The following ATG9A variants were observed in gnomAD, a reference collection of about 807,000 sequenced individuals.
ATG9A encodes autophagy-related protein 9A.
A neutral mutation model predicts 87.1 loss-of-function variants in ATG9A; 21 were observed. The observed-to-expected ratio is 0.24, with a 90% CI of 0.17 to 0.35. The LOEUF is 0.35. Ranked by LOEUF, ATG9A falls within the 10% of genes least tolerant of loss-of-function variation. ATG9A has a pLI of 1.00. For synonymous variants in ATG9A, 422 were observed against 441.3 expected (o/e 0.96, Z 0.55); for missense variants, 836 against 1,107.3 (o/e 0.76, Z 3.48).
At chr2:219,228,112 C>CA in intron 2 of ATG9A, 59 bp from the exon 3 acceptor site, 15 of 1,224,726 alleles carry the variant, frequency 1.2e-5, no homozygotes, top group Non-Finnish European at 1.7e-5. Context: ...CCATGGGCTG[C>CA]CCTGCCTACT....
At position 219,224,630 on chromosome 2, in the gene ATG9A, G is replaced by A. The variant is rs1950825376; in HGVS notation, c.741C>T (p.Leu247=). Residue 247 remains leucine, a synonymous_variant, in exon 8 of 16, where the codon CTC becomes CTT. Coordinates refer to ENST00000361242, the MANE Select transcript of ATG9A (RefSeq NM_001077198.3). This position sits in a 1 kb window ranked among gnomAD's most constrained non-coding sequence, Gnocchi z 7.7. ...LGEAVFFTRG[L]KYNFELILFW... ...AGAGGATCAGCTCAAAGTTGTACTTGAGACCACGGGTGAAGAAGACAGCTT... is the reference window on the plus strand; with the variant it reads ...AGAGGATCAGCTCAAAGTTGTACTTAAGACCACGGGTGAAGAAGACAGCTT... 4 of 1,614,224 alleles carry A rather than the reference G, an allele frequency of 2.5e-6. No homozygotes were observed. The highest frequency in any genetic ancestry group is 3.4e-6 in the Non-Finnish European group (4 of 1,180,048).
At position 219,220,382 on chromosome 2, in the gene ATG9A, G is replaced by A; in HGVS notation, c.*65C>T. The A allele has an allele frequency of 6.3e-7, 1 of 1,590,508 alleles. No homozygotes were observed. The highest frequency in any genetic ancestry group is 8.6e-7 in the Non-Finnish European group (1 of 1,160,364). On this transcript the variant is annotated 3_prime_UTR_variant, in exon 16 of 16. Coordinates refer to ENST00000361242, the MANE Select transcript of ATG9A (RefSeq NM_001077198.3). ...ACTCAGAGGAGCCGTCCCATGGCAGGCAGACGGGATGGCAGGGCAGCGGTG... is the reference window on the plus strand; with the variant it reads ...ACTCAGAGGAGCCGTCCCATGGCAGACAGACGGGATGGCAGGGCAGCGGTG...
chr2:219,225,022 C>T, intron 7 of ATG9A, 49 bp downstream of exon 7: 1 of 1,609,412 alleles, frequency 6.2e-7, no homozygotes, highest in Non-Finnish European at 8.5e-7. Flanking sequence ...ACCCACACCT[C>T]CCAATACGTC....
At chr2:219,227,139 G>C (rs141446560) in intron 4 of ATG9A, among the ~76,000 whole-genome samples, 241 of 152,358 alleles carry the variant, frequency 1.6e-3, no homozygotes, top group Non-Finnish European at 2.8e-3. Flanking sequence ...TTAGGTCTAA[G>C]ATAATGCATG....
intron 4 of ATG9A, among the ~76,000 whole-genome samples, chr2:219,227,320 C>G (rs1037291325): frequency 2.0e-5 from 3 of 152,156 alleles, no homozygotes; most frequent in African/African-American, 7.2e-5. Flanking sequence ...GAGTTCGAGA[C>G]CAGCCTTGCC....
intron 5 of ATG9A, 114 bp downstream of exon 5, chr2:219,226,755 G>T: frequency 1.0e-6 from 1 of 957,372 alleles, no homozygotes; most frequent in Middle Eastern, 2.4e-4. Context: ...AAGGTTTACG[G>T]AGTTTTAGCC....
Position 219,222,392 on chromosome 2 carries a change from G to C in ATG9A, c.1907C>G (p.Pro636Arg). Residue 636 changes from proline (P) to arginine (R), a missense_variant, in exon 12 of 16, where the codon CCC becomes CGC. Pro to Arg is a moderately radical substitution (Grantham distance 103, BLOSUM62 -2). Around this residue, in one of 2 missense-constraint regions of ATG9A, gnomAD observed 324 missense variants for 347.6 expected, o/e 0.93. Coordinates refer to ENST00000361242, the MANE Select transcript of ATG9A (RefSeq NM_001077198.3). This position sits in a 1 kb window ranked among gnomAD's most constrained non-coding sequence, Gnocchi z 4.3. ...AGSSCRGPPL[P>R]RDLQGSRHRA... ...GTGCCTGGAGCCCTGCAGGTCTCTG[G>C]GCAGTGGAGGGCCCCGGCAGGATGA... The C allele has an allele frequency of 1.3e-6, 2 of 1,599,184 alleles. No individual in the cohort carries two copies. Among genetic ancestry groups the C allele is most frequent in the Non-Finnish European group, 1.7e-6 (2 of 1,173,046 alleles).
At chr2:219,225,238 G>C in intron 6 of ATG9A, 26 bp from the exon 7 acceptor site, 5 of 1,613,720 alleles carry the variant, frequency 3.1e-6, no homozygotes, top group East Asian at 2.2e-5. Context: ...AAGGGGAGGA[G>C]AGGTGGCCCT....
chr2:219,222,735 C>G lies in ATG9A; in HGVS notation c.1758G>C (p.Arg586=), dbSNP rs1215233215. 1.2e-6 allele frequency: 2 copies of G among 1,614,098 alleles called. No homozygotes were observed. The highest frequency in any genetic ancestry group is 2.7e-5 in the African/African-American group (2 of 74,948). Residue 586 remains arginine (R), a synonymous_variant, in exon 11 of 16, where the codon CGG becomes CGC. Transcript: ENST00000361242. The surrounding 1 kb of genome is among the most constrained non-coding windows in gnomAD (Gnocchi z 4.3). ...FLGFLKEQVQ[R]DGAAASLAQG... ...GGGCGAGGCTAGCAGCTGCTCCATC[C>G]CGCTGAACCTGCTCCTTGAGGAAGC...
In ATG9A at chr2:219,228,420, G is replaced by A; in HGVS notation, c.-30+14C>T. Reference sequence around the variant, plus strand: ...CTTCACAAACAAATGTTTGAGAAAAGCACATGGCCCTACCAGCTCCATGGA... The same window carrying A: ...CTTCACAAACAAATGTTTGAGAAAAACACATGGCCCTACCAGCTCCATGGA... On this transcript the variant is annotated intron_variant, in intron 2 of 15. Coordinates refer to ENST00000361242, the MANE Select transcript of ATG9A (RefSeq NM_001077198.3). The A allele has an allele frequency of 5.3e-6, 1 of 187,654 alleles. No homozygotes were observed. Among genetic ancestry groups the A allele is most frequent in the South Asian group, 1.1e-4 (1 of 9,252 alleles). 11.6% of individuals were successfully genotyped at this position (187,654 alleles called of 1,614,324 possible). A position where few individuals can be genotyped will look rare whatever the true frequency, so the allele number is the denominator to read the frequency against.
intron 4 of ATG9A, among the ~76,000 whole-genome samples, 180 bp downstream of exon 4, chr2:219,227,589 TC>T (rs1950888150): frequency 6.6e-6 from 1 of 152,046 alleles, no homozygotes; most frequent in African/African-American, 2.4e-5. Flanking sequence ...GGCACACAGA[TC>T]TTGGTAAATG....
chr2:219,222,721 G>A lies in ATG9A; in HGVS notation c.1772C>T (p.Ala591Val). Residue 591 changes from alanine to valine, a missense_variant, in exon 11 of 16, where the codon GCT becomes GTT. Ala to Val is a moderately conservative substitution (Grantham distance 64). This residue lies in a region of ATG9A where 324 missense variants were observed against 347.6 expected (regional missense o/e 0.93). Transcript: ENST00000361242. This position sits in a 1 kb window ranked among gnomAD's most constrained non-coding sequence, Gnocchi z 4.3. ...KEQVQRDGAA[A>V]SLAQGGLLPE... The stretch of plus-strand genomic sequence containing the variant: ...GAGCAGACCCCCTTGGGCGAGGCTA[G>A]CAGCTGCTCCATCCCGCTGAACCTG... The A allele has an allele frequency of 6.2e-7, 1 of 1,614,224 alleles. No individual in the cohort carries two copies. The highest frequency in any genetic ancestry group is 1.1e-5 in the South Asian group (1 of 91,092).
chr2:219,223,607 A>C lies in ATG9A; in HGVS notation c.1577T>G (p.Val526Gly). The C allele has an allele frequency of 6.2e-7, 1 of 1,609,984 alleles. No homozygotes were observed. Among genetic ancestry groups the C allele is most frequent in the Non-Finnish European group, 8.5e-7 (1 of 1,177,654 alleles). The change falls in exon 10 of 16, where the codon GTT becomes GGT. Residue 526 changes from valine (V) to glycine (G), a missense_variant. Transcript: ENST00000361242. The surrounding 1 kb of genome is among the most constrained non-coding windows in gnomAD (Gnocchi z 4.7). ...GDTCSFAQMD[V>G]RQHGHPQWLS... ...TACCTGGGGATGACCATGCTGGCGA[A>C]CATCCATCTGAGCAAAGGAGCAGGT...
In ATG9A at chr2:219,223,641, C is replaced by T; in HGVS notation, c.1543G>A (p.Val515Met). The part of the protein sequence containing the change: ...FRNFTVEVVG[V>M]GDTCSFAQMD... ...TGAGCAAAGGAGCAGGTATCTCCCA[C>T]ACCAACGACCTCCACGGTGAAGTTT... is the stretch of plus-strand genomic sequence containing the variant. Residue 515 changes from valine (V) to methionine (M), a missense_variant, in exon 10 of 16, where the codon GTG (valine) becomes ATG (methionine). Physicochemically the swap from Val to Met is conservative, Grantham distance 21. Coordinates refer to ENST00000361242, the MANE Select transcript of ATG9A (RefSeq NM_001077198.3). The surrounding 1 kb of genome is among the most constrained non-coding windows in gnomAD (Gnocchi z 4.7). The T allele has an allele frequency of 6.2e-7, 1 of 1,613,886 alleles. No individual in the cohort carries two copies. Among genetic ancestry groups the T allele is most frequent in the Non-Finnish European group, 8.5e-7 (1 of 1,179,956 alleles).
chr2:219,219,633 A>T lies in ATG9A; in HGVS notation c.*814T>A, dbSNP rs939379565. The T allele has an allele frequency of 1.3e-5, 2 of 152,536 alleles. No individual in the cohort carries two copies. The highest frequency in any genetic ancestry group is 3.2e-3 in the Middle Eastern group (1 of 316). 9.4% of individuals were successfully genotyped at this position (152,536 alleles called of 1,614,324 possible). On this transcript the variant is annotated 3_prime_UTR_variant, in exon 16 of 16. Transcript: ENST00000361242. ...AGAGCTCTTTTGCTGGGACGCACAC[A>T]GCCAAGGTCACCCTCCAGCCCGGTC... is the stretch of plus-strand genomic sequence containing the variant.
rs762814690 is a variant in ATG9A, at chr2:219,220,713, T to C, written c.2514+34A>G. On this transcript the variant is annotated intron_variant, in intron 15 of 15. Transcript: ENST00000361242. ...TTACCTCACCCTGGAAGTTACTATT[T>C]CTGGCAGTTTTTCCTAGGCCCCGGG... is the stretch of plus-strand genomic sequence containing the variant. The C allele has an allele frequency of 3.1e-6, 5 of 1,604,162 alleles. No homozygotes were observed. The South Asian group carries it at 5.5e-5, about 18-fold the overall frequency.
At chr2:219,228,243 AGT>A (rs1281983864) in intron 2 of ATG9A, among the ~76,000 whole-genome samples, 189 bp downstream of exon 2, 1 of 152,142 alleles carries the variant, frequency 6.6e-6, no homozygotes. Flanking sequence ...AACTCTGGCC[AGT>A]CTGGGTGTCT....
chr2:219,225,080 G>T lies in ATG9A; in HGVS notation c.507C>A (p.Arg169=). The change falls in exon 7 of 16, where the codon CGC becomes CGA. Residue 169 remains arginine, a synonymous_variant. Coordinates refer to ENST00000361242, the MANE Select transcript of ATG9A (RefSeq NM_001077198.3). ...EIHSFYLHAL[R]IPMSALPYCT... is the part of the protein sequence containing the mutation. ...AACTTCCCAGTCTTACCATAGGGAT[G>T]CGCAGAGCGTGCAGGTAGAAGGAGT... 6.2e-7 allele frequency: 1 copy of T among 1,614,198 alleles called. No homozygotes were observed. The highest frequency in any genetic ancestry group is 8.5e-7 in the Non-Finnish European group (1 of 1,180,032).
Position 219,223,979 on chromosome 2 carries a change from G to A in ATG9A, c.1309C>T (p.Leu437=). 1 of 1,613,880 alleles carries A rather than the reference G, an allele frequency of 6.2e-7. No individual in the cohort carries two copies. Among genetic ancestry groups the A allele is most frequent in the Non-Finnish European group, 8.5e-7 (1 of 1,179,832 alleles). The change falls in exon 9 of 16, where the codon CTG becomes TTG. Residue 437 remains leucine (L), a synonymous_variant. Coordinates refer to ENST00000361242, the MANE Select transcript of ATG9A (RefSeq NM_001077198.3). This position sits in a 1 kb window ranked among gnomAD's most constrained non-coding sequence, Gnocchi z 4.7. The stretch of plus-strand genomic sequence containing the variant: ...ATGTGAGCGAGGATCACGCGGAGCA[G>A]CTGCTCAGGGCAGAACACCATGTGC... The part of the protein sequence containing the change: ...DQHMVFCPEQ[L]LRVILAHIHY...
Sources: allele counts gnomAD v4.1 joint callset (sites outside exome capture counted in the v4.1 genomes callset), GRCh38; gene constraint gnomAD v4.1.1; regional missense constraint gnomAD v4.1.1; non-coding constraint Gnocchi (gnomAD v3.1); transcripts MANE v1.5; gene names NCBI Gene and HGNC (gene_info 2026-07-23, HGNC 2026-07-21).